The following ABLIM3 variants were observed in gnomAD, a reference collection of about 807,000 sequenced individuals.
ABLIM3 encodes actin-binding LIM protein 3.
ABLIM3 carries 61 observed loss-of-function variants against 109.5 expected under a neutral mutation model. That is an observed-to-expected ratio of 0.56 (90% confidence interval 0.45 to 0.69). The LOEUF is 0.69. Among genes scored for constraint, ABLIM3 ranks in the 30% least tolerant of loss-of-function variants. The pLI is 0.00. For synonymous variants in ABLIM3, 300 were observed against 324.8 expected (o/e 0.92, Z 0.82); for missense variants, 796 against 889.5 (o/e 0.89, Z 1.34).
intron 3 of ABLIM3, among the ~76,000 whole-genome samples, chr5:149,187,031 A>G: frequency 6.6e-6 from 1 of 152,298 alleles, no homozygotes; most frequent in South Asian, 2.1e-4. Context: ...AAAAAGTTAT[A>G]CAGATAATAG....
At chr5:149,180,249 C>T (rs144700982) in intron 2 of ABLIM3, among the ~76,000 whole-genome samples, 1 of 152,256 alleles carries the variant, frequency 6.6e-6, no homozygotes, top group African/African-American at 2.4e-5. Context: ...TGAAACTTTG[C>T]ATTTTCTGAA....
rs1177230164 is a variant in ABLIM3 at position 149,217,040 on chromosome 5, C to G, written c.751C>G (p.Leu251Val). The change falls in exon 8 of 24, where the codon CTC (leucine) becomes GTC (valine). Residue 251 changes from leucine to valine, a missense_variant. Transcript: ENST00000309868. ...GTTCACCGAAGGAGAGGAAATGTAC[C>G]TCACAGGTAAGTAAATCTGACCCTC... ...QMFTEGEEMY[L>V]TGSEVWHPIC... The G allele has an allele frequency of 6.2e-7, 1 of 1,614,136 alleles. No homozygotes were observed. The highest frequency in any genetic ancestry group is 8.5e-7 in the Non-Finnish European group (1 of 1,180,000).
intron 4 of ABLIM3, chr5:149,199,032 A>C (rs561055401): frequency 2.2e-6 from 1 of 456,458 alleles, no homozygotes; most frequent in Admixed American, 2.4e-5. Context: ...ATAGTCATCT[A>C]TCTTCTCTCA....
In ABLIM3 at chr5:149,146,723, T is replaced by C. The variant is rs537835401; in HGVS notation, c.13+4615T>C. Among the ~76,000 whole-genome samples the C allele has an allele frequency of 9.2e-5, 14 of 152,364 alleles. No individual in the cohort carries two copies. The East Asian group carries it at 1.5e-3, about 17-fold the overall frequency. Reference sequence around the variant, plus strand: ...TGCTGTTTTGGTTACTGTAGCCTTATAATATAGTTTGAAGTCAGGTAATGT... The same window carrying C: ...TGCTGTTTTGGTTACTGTAGCCTTACAATATAGTTTGAAGTCAGGTAATGT... On this transcript the variant is annotated intron_variant, in intron 2 of 23. Coordinates refer to ENST00000309868, the MANE Select transcript of ABLIM3 (RefSeq NM_014945.5).
intron 23 of ABLIM3, among the ~76,000 whole-genome samples, chr5:149,256,964 A>T (rs540559818): frequency 6.6e-6 from 1 of 152,330 alleles, no homozygotes; most frequent in Non-Finnish European, 1.5e-5. Context: ...TTGACCAAAA[A>T]TTATCAATAT....
chr5:149,254,668 A>G (rs1754272396), intron 23 of ABLIM3, among the ~76,000 whole-genome samples: 1 of 152,088 alleles, frequency 6.6e-6, no homozygotes. Context: ...GAAGTGGGTG[A>G]TTCTCCTCAC....
At chr5:149,205,279 C>A (rs1019971218) in intron 5 of ABLIM3, among the ~76,000 whole-genome samples, 1 of 152,180 alleles carries the variant, frequency 6.6e-6, no homozygotes, top group Non-Finnish European at 1.5e-5. Context: ...TTCCTCACCA[C>A]CCCTTCCTCA....
At chr5:149,226,249 A>G (rs115052079) in intron 8 of ABLIM3, among the ~76,000 whole-genome samples, 3,903 of 151,676 alleles carry the variant, frequency 0.026, 86 homozygotes, top group Non-Finnish European at 0.036. Context: ...CAGTTTGAAG[A>G]CTGAGGAGGG....
chr5:149,179,791 A>T (rs1244400728), intron 2 of ABLIM3, among the ~76,000 whole-genome samples: 4 of 152,206 alleles, frequency 2.6e-5, no homozygotes, highest in African/African-American at 9.6e-5. Flanking sequence ...AATTAAAATT[A>T]AATTTAATTT....
chr5:149,164,040 C>T (rs1013279684), intron 2 of ABLIM3: 7 of 152,018 alleles, frequency 4.6e-5, no homozygotes, highest in African/African-American at 9.7e-5. Flanking sequence ...TTTTTATTGC[C>T]CACCCCCCTA....
chr5:149,145,279 A>G (rs919245345), intron 2 of ABLIM3, among the ~76,000 whole-genome samples: 1 of 152,198 alleles, frequency 6.6e-6, no homozygotes, highest in Non-Finnish European at 1.5e-5. Flanking sequence ...TGCTTAGGAT[A>G]ATGCCTTACA....
In ABLIM3 at chr5:149,239,845, G is replaced by T; in HGVS notation, c.1161G>T (p.Met387Ile). 6.2e-7 allele frequency: 1 copy of T among 1,610,660 alleles called. No individual in the cohort carries two copies. Among genetic ancestry groups the T allele is most frequent in the Non-Finnish European group, 8.5e-7 (1 of 1,178,302 alleles). ...IDSPTYSRQG[M>I]SPTFSRSPHH... is the part of the protein sequence containing the mutation. The stretch of plus-strand genomic sequence containing the variant: ...CCCCCACCTACAGCCGGCAGGGCAT[G>T]TCCCCCACCTTCTCCCGCTCACCTC... Residue 387 changes from methionine (M) to isoleucine (I), a missense_variant, in exon 13 of 24, where the codon ATG becomes ATT. By Grantham distance (10) the Met-to-Ile change is conservative. Coordinates refer to ENST00000309868, the MANE Select transcript of ABLIM3 (RefSeq NM_014945.5).
intron 23 of ABLIM3, among the ~76,000 whole-genome samples, chr5:149,257,032 C>T (rs1191448420): frequency 1.3e-5 from 2 of 152,208 alleles, no homozygotes; most frequent in African/African-American, 4.8e-5. Context: ...TGGCCATGCG[C>T]CGTGGCTTAC....
chr5:149,159,069 A>G (rs555325857), intron 2 of ABLIM3, among the ~76,000 whole-genome samples: 8 of 152,370 alleles, frequency 5.3e-5, no homozygotes, highest in African/African-American at 1.9e-4. Context: ...AAAAAGATTT[A>G]TGCAAGAATG....
chr5:149,165,811 AT>A (rs1422784529), intron 2 of ABLIM3, among the ~76,000 whole-genome samples: 1 of 152,086 alleles, frequency 6.6e-6, no homozygotes, highest in Non-Finnish European at 1.5e-5. Context: ...CTGTGGTGGC[AT>A]CAGCAGCTGT....
At chr5:149,197,629 G>A (rs112690820) in intron 3 of ABLIM3, among the ~76,000 whole-genome samples, 2 of 152,270 alleles carry the variant, frequency 1.3e-5, no homozygotes, top group Non-Finnish European at 2.9e-5. Flanking sequence ...CCATCCGAAG[G>A]TGTCTCCAGG....
intron 6 of ABLIM3, among the ~76,000 whole-genome samples, chr5:149,208,365 TC>T: frequency 6.8e-6 from 1 of 146,400 alleles, no homozygotes; most frequent in East Asian, 2.0e-4. Context: ...TCTCTCTCTC[TC>T]TCTCTCTCTC....
chr5:149,172,397 G>A (rs907057532), intron 2 of ABLIM3, among the ~76,000 whole-genome samples: 3 of 152,200 alleles, frequency 2.0e-5, no homozygotes, highest in East Asian at 1.9e-4. Flanking sequence ...GTCAAAAAAC[G>A]TTTGAAAACC....
chr5:149,215,448 G>T (rs1759974044), intron 7 of ABLIM3, among the ~76,000 whole-genome samples: 1 of 150,772 alleles, frequency 6.6e-6, no homozygotes, highest in Admixed American at 6.6e-5. Context: ...CCACATTCTT[G>T]CTAAGTTTTT....
Sources: allele counts gnomAD v4.1 joint callset (sites outside exome capture counted in the v4.1 genomes callset), GRCh38; gene constraint gnomAD v4.1.1; transcripts MANE v1.5; gene names NCBI Gene and HGNC (gene_info 2026-07-23, HGNC 2026-07-21).